SLC26A4: variants seen among roughly 807,000 people sequenced by gnomAD.
SLC26A4 encodes the protein pendrin.
A neutral mutation model predicts 90.4 loss-of-function variants in SLC26A4; 93 were observed. The observed-to-expected ratio is 1.03, with a 90% CI of 0.87 to 1.22. SLC26A4 has a LOEUF of 1.22. SLC26A4 is among the 50% of genes most tolerant of loss of function. The pLI, the probability that SLC26A4 is intolerant of heterozygous loss-of-function variation, is 0.00. For synonymous variants in SLC26A4, 393 were observed against 354.6 expected (o/e 1.11, Z -1.22); for missense variants, 1,127 against 946.2 (o/e 1.19, Z -2.51).
At chr7:107,674,428 C>A in intron 5 of SLC26A4, 80 bp downstream of exon 5, 1 of 1,128,996 alleles carries the variant, frequency 8.9e-7, no homozygotes, top group Non-Finnish European at 1.3e-6. Context: ...CTTAAAGATT[C>A]TACTAAAAAC....
intron 3 of SLC26A4, among the ~76,000 whole-genome samples, chr7:107,670,906 G>A (rs749580576): frequency 1.3e-5 from 2 of 152,114 alleles, no homozygotes; most frequent in Non-Finnish European, 2.9e-5. Context: ...CTATAGCCAG[G>A]CATTAATGGG....
At chr7:107,689,318 T>C in intron 9 of SLC26A4, 118 bp downstream of exon 9, 1 of 1,053,418 alleles carries the variant, frequency 9.5e-7, no homozygotes, top group Middle Eastern at 3.0e-4. Context: ...CAGACCTTAT[T>C]GGGTTGGTTT....
At chr7:107,682,082 A>T (rs1452282285) in intron 6 of SLC26A4, among the ~76,000 whole-genome samples, 2 of 141,332 alleles carry the variant, frequency 1.4e-5, no homozygotes, top group Non-Finnish European at 3.0e-5. Context: ...AGGCCACTGT[A>T]CTCCAGCCTG....
At chr7:107,694,569 A>G in intron 11 of SLC26A4, 52 bp from the exon 12 acceptor site, 1 of 1,539,046 alleles carries the variant, frequency 6.5e-7, no homozygotes, top group Non-Finnish European at 9.0e-7. Context: ...AACAATCATC[A>G]CATGGAAAAC....
At chr7:107,710,612 A>G (rs1792158128) in intron 19 of SLC26A4, among the ~76,000 whole-genome samples, 2 of 152,242 alleles carry the variant, frequency 1.3e-5, no homozygotes, top group African/African-American at 4.8e-5. Flanking sequence ...CCACCAGGCC[A>G]TAAGTGATCT....
intron 17 of SLC26A4, among the ~76,000 whole-genome samples, chr7:107,703,753 A>T (rs7784294): frequency 6.6e-6 from 1 of 152,216 alleles, no homozygotes; most frequent in Admixed American, 6.5e-5. Flanking sequence ...TAATTCTCAA[A>T]TTCTCTTTTA....
chr7:107,714,525 T>C (rs1792287739), intron 20 of SLC26A4, among the ~76,000 whole-genome samples: 1 of 152,198 alleles, frequency 6.6e-6, no homozygotes, highest in South Asian at 2.1e-4. Context: ...TCCAGTAGTT[T>C]ATGACTCTAT....
intron 13 of SLC26A4, among the ~76,000 whole-genome samples, chr7:107,696,604 C>A (rs1429175186): frequency 6.6e-6 from 1 of 152,212 alleles, no homozygotes; most frequent in African/African-American, 2.4e-5. Flanking sequence ...TCAAATCTCT[C>A]ATATAACCAA....
intron 20 of SLC26A4, 54 bp from the exon 21 acceptor site, chr7:107,715,369 G>A (rs1440815602): frequency 7.0e-7 from 1 of 1,434,058 alleles, no homozygotes; most frequent in African/African-American, 1.4e-5. Flanking sequence ...AGATAATGCA[G>A]ACTTAAGGAG....
intron 17 of SLC26A4, among the ~76,000 whole-genome samples, chr7:107,703,290 C>A (rs112901883): frequency 2.0e-5 from 3 of 152,288 alleles, no homozygotes; most frequent in African/African-American, 7.2e-5. Context: ...GGTCAAGACA[C>A]CAACAATCAG....
At chr7:107,710,747 C>A (rs1307376727) in intron 19 of SLC26A4, among the ~76,000 whole-genome samples, 2 of 152,146 alleles carry the variant, frequency 1.3e-5, no homozygotes, top group Non-Finnish European at 2.9e-5. Flanking sequence ...CCAGAATAGG[C>A]CCTGATTTCC....
At chr7:107,694,813 T>A in intron 12 of SLC26A4, 97 bp downstream of exon 12, 1 of 876,890 alleles carries the variant, frequency 1.1e-6, no homozygotes, top group Non-Finnish European at 1.9e-6. Context: ...TAAGTCTCAC[T>A]TGTGCTTTGG....
In SLC26A4 at chr7:107,694,293, G is replaced by A. The variant is rs1411961056; in HGVS notation, c.1264-110G>A. ...AGTATTGAGCAGAAGGGGGAGACAG[G>A]GAAGTATGAAGTGTGTCTGTGAACA... On this transcript the variant is annotated intron_variant, in intron 10 of 20. Coordinates refer to ENST00000644269, the MANE Select transcript of SLC26A4 (RefSeq NM_000441.2). 2.1e-5 allele frequency: 17 copies of A among 802,260 alleles called. 1 individual carries two copies. The highest frequency in any genetic ancestry group is 1.6e-4 in the South Asian group (11 of 70,108). The allele number at this position is 802,260 out of a possible 1,614,324, so 49.7% of individuals were successfully genotyped here. A position where few individuals can be genotyped will look rare whatever the true frequency, so the allele number is the denominator to read the frequency against.
At chr7:107,665,542 G>A (rs1232048609) in intron 3 of SLC26A4, among the ~76,000 whole-genome samples, 2 of 152,120 alleles carry the variant, frequency 1.3e-5, no homozygotes, top group Non-Finnish European at 2.9e-5. Context: ...ACAGAGACAG[G>A]CACATAATAG....
chr7:107,689,528 G>A (rs539023840), intron 9 of SLC26A4, among the ~76,000 whole-genome samples: 3 of 152,148 alleles, frequency 2.0e-5, no homozygotes, highest in African/African-American at 2.4e-5. Flanking sequence ...TATTTTTAAC[G>A]GCAGTTATAA....
chr7:107,666,396 A>AT (rs1204963952), intron 3 of SLC26A4, among the ~76,000 whole-genome samples: 13 of 151,814 alleles, frequency 8.6e-5, no homozygotes, highest in South Asian at 2.1e-4. Context: ...TAATTTTTGT[A>AT]TTTTTTGTAG....
intron 3 of SLC26A4, 148 bp from the exon 4 acceptor site, chr7:107,671,990 G>A: frequency 4.5e-6 from 3 of 670,976 alleles, no homozygotes; most frequent in Non-Finnish European, 8.3e-6. Flanking sequence ...ATGGTTGTAT[G>A]GTTACTTAAA....
In SLC26A4 at chr7:107,717,181, C is replaced by T. The variant is rs1003068818; in HGVS notation, c.*1735C>T. ...GACCATCCTGGCTAACATGGTAAAA[C>T]CCCGTCTCTACTAAAAATAGAAAAA... On this transcript the variant is annotated 3_prime_UTR_variant, in exon 21 of 21. Transcript: ENST00000644269. 5 of 151,930 alleles carry T rather than the reference C, an allele frequency of 3.3e-5. No individual in the cohort carries two copies. The highest frequency in any genetic ancestry group is 1.3e-4 in the Admixed American group (2 of 15,256). The allele number at this position is 151,930 out of a possible 1,614,324, so 9.4% of individuals were successfully genotyped here. A position where few individuals can be genotyped will look rare whatever the true frequency, so the allele number is the denominator to read the frequency against.
chr7:107,677,328 CA>C (rs1791052187), intron 6 of SLC26A4, among the ~76,000 whole-genome samples: 1 of 152,138 alleles, frequency 6.6e-6, no homozygotes, highest in Non-Finnish European at 1.5e-5. Context: ...TCAGTGTCCT[CA>C]ATTGTAAAAT....
Sources: gnomAD v4.1 joint callset for allele counts (sites outside exome capture counted in the v4.1 genomes callset) on GRCh38, gnomAD v4.1.1 for gene constraint, MANE v1.5 for transcripts, NCBI Gene and HGNC (gene_info 2026-07-23, HGNC 2026-07-21) for gene names.